Variants in RNF150 observed in about 807,000 individuals in gnomAD.
RNF150 encodes the protein ring finger protein 150.
A neutral mutation model predicts 39.3 loss-of-function variants in RNF150; 24 were observed. The ratio of observed to expected loss-of-function variants is 0.61; its 90% confidence interval spans 0.44 to 0.86. RNF150 has a LOEUF of 0.86. RNF150 is among the 40% of genes least tolerant of loss of function. The probability of loss-of-function intolerance (pLI) is 0.00; values close to 1 mark genes in which losing one functional copy is unlikely to be tolerated. For missense variants in RNF150, 502 were observed against 587.8 expected (o/e 0.85, Z 1.51); for synonymous variants, 255 against 227.3 (o/e 1.12, Z -1.10).
chr4:140,966,375 A>G (rs904552886), intron 2 of RNF150, among the ~76,000 whole-genome samples: 1 of 152,092 alleles, frequency 6.6e-6, no homozygotes, highest in African/African-American at 2.4e-5. Context: ...TAGCTCTGTA[A>G]AAACCAAAAA....
At chr4:141,028,243 TAAG>T (rs1735796215) in intron 1 of RNF150, among the ~76,000 whole-genome samples, 1 of 152,198 alleles carries the variant, frequency 6.6e-6, no homozygotes, top group Admixed American at 6.5e-5. Flanking sequence ...TGGCATTCAT[TAAG>T]AAGTAGTGGC....
At chr4:140,871,379 C>T (rs1728932879) in intron 6 of RNF150, among the ~76,000 whole-genome samples, 1 of 151,744 alleles carries the variant, frequency 6.6e-6, no homozygotes, top group African/African-American at 2.4e-5. Context: ...ATAAAAAATG[C>T]CTGCTTTTGT....
intron 1 of RNF150, among the ~76,000 whole-genome samples, chr4:141,153,188 G>T (rs1727329406): frequency 6.6e-6 from 1 of 152,076 alleles, no homozygotes; most frequent in Non-Finnish European, 1.5e-5. Context: ...GGGAGGGAGG[G>T]TTAATACAGT....
At chr4:141,083,227 G>C (rs1053115142) in intron 1 of RNF150, among the ~76,000 whole-genome samples, 1 of 152,096 alleles carries the variant, frequency 6.6e-6, no homozygotes, top group African/African-American at 2.4e-5. Flanking sequence ...AACTCAAAAA[G>C]CACACAGAGC....
intron 5 of RNF150, among the ~76,000 whole-genome samples, chr4:140,915,454 T>C (rs1730780936): frequency 6.6e-6 from 1 of 152,156 alleles, no homozygotes; most frequent in Non-Finnish European, 1.5e-5. Flanking sequence ...AAATCCAAAA[T>C]TCCTCCCAGA....
chr4:141,055,012 G>A (rs556610902), intron 1 of RNF150, among the ~76,000 whole-genome samples: 122 of 152,186 alleles, frequency 8.0e-4, no homozygotes, highest in African/African-American at 2.9e-3. Context: ...TTATTATTGA[G>A]GAGCACAATT....
intron 1 of RNF150, among the ~76,000 whole-genome samples, chr4:141,192,075 C>T (rs1560774311): frequency 6.6e-6 from 1 of 152,316 alleles, no homozygotes; most frequent in African/African-American, 2.4e-5. Context: ...GGCTTCCTCT[C>T]TTACAGCAGC....
At chr4:140,941,595 G>A (rs1266408698) in intron 4 of RNF150, among the ~76,000 whole-genome samples, 1 of 152,106 alleles carries the variant, frequency 6.6e-6, no homozygotes, top group Admixed American at 6.5e-5. Context: ...AGTACCTAAA[G>A]CCAGCTAATC....
At chr4:141,080,255 C>G (rs1738098194) in intron 1 of RNF150, among the ~76,000 whole-genome samples, 1 of 152,160 alleles carries the variant, frequency 6.6e-6, no homozygotes, top group Non-Finnish European at 1.5e-5. Flanking sequence ...TTTGTAATCT[C>G]TGAAATTCAT....
At chr4:140,892,481 C>T (rs572095699) in intron 6 of RNF150, among the ~76,000 whole-genome samples, 16 of 152,302 alleles carry the variant, frequency 1.1e-4, no homozygotes, top group African/African-American at 3.1e-4. Context: ...TAAAAAACCA[C>T]GAGTTTAAGC....
rs1411908534 is a variant in RNF150 at position 141,164,811 on chromosome 4, A to G, written c.-6+47983T>C. On this transcript the variant is annotated intron_variant, in intron 1 of 7. Transcript: ENST00000420921. ...ATGAGAGCTCCTGAAGGAAGCACTA[A>G]ATATGAAAAACTGGCAGCAGCCACT... 4.6e-5 allele frequency among the ~76,000 whole-genome samples: 7 copies of G among 152,100 alleles called. No individual in the cohort carries two copies. The East Asian group carries it at 1.4e-3, about 29-fold the overall frequency.
intron 5 of RNF150, among the ~76,000 whole-genome samples, chr4:140,919,898 C>A (rs1731032095): frequency 6.6e-6 from 1 of 152,120 alleles, no homozygotes; most frequent in African/African-American, 2.4e-5. Flanking sequence ...CTACAAATAT[C>A]TGATCTTTGA....
At chr4:141,193,209 G>A (rs1056908923) in intron 1 of RNF150, among the ~76,000 whole-genome samples, 1 of 152,194 alleles carries the variant, frequency 6.6e-6, no homozygotes, top group African/African-American at 2.4e-5. Context: ...CTGTATCTTA[G>A]CAATTAGAAT....
In RNF150 at chr4:141,205,854, C is replaced by A. The variant is rs993155791; in HGVS notation, c.-6+6940G>T. The stretch of plus-strand genomic sequence containing the variant: ...GTGCATGTGTGTTTGTGTATGTGTG[C>A]GCACACCTGTGTTAGAAGGGAGGTT... On this transcript the variant is annotated intron_variant, in intron 1 of 7. Transcript: ENST00000420921. Among the ~76,000 whole-genome samples, 7 of 152,134 alleles carry A rather than the reference C, an allele frequency of 4.6e-5. No homozygotes were observed. The East Asian group carries it at 1.2e-3, about 25-fold the overall frequency.
chr4:141,092,901 T>A (rs541021007), intron 1 of RNF150, among the ~76,000 whole-genome samples: 1 of 151,810 alleles, frequency 6.6e-6, no homozygotes, highest in South Asian at 2.1e-4. Flanking sequence ...ACATCTCTTG[T>A]AAAACATGTC....
intron 1 of RNF150, among the ~76,000 whole-genome samples, chr4:141,148,886 G>C (rs1335121033): frequency 8.5e-5 from 13 of 152,282 alleles, no homozygotes; most frequent in Non-Finnish European, 1.0e-4. Context: ...CTGCAGAAGG[G>C]GGTTGATTCC....
rs1728075952 is a variant in RNF150 at position 141,189,961 on chromosome 4, C to T, written c.-6+22833G>A. Among the ~76,000 whole-genome samples the T allele has an allele frequency of 2.0e-5, 3 of 152,312 alleles. No homozygotes were observed. The South Asian group carries it at 6.2e-4, about 32-fold the overall frequency. ...ACTGGGGTATGAAAAAATACTCCTG[C>T]AGGTAGCTTGGTGTCTGCCCAAACA... On this transcript the variant is annotated intron_variant, in intron 1 of 7. Coordinates refer to the RNF150 transcript ENST00000420921.
chr4:141,028,102 A>G (rs1388211799), intron 1 of RNF150, among the ~76,000 whole-genome samples: 1 of 151,868 alleles, frequency 6.6e-6, no homozygotes, highest in Non-Finnish European at 1.5e-5. Flanking sequence ...TACTACATAC[A>G]CAGTGTTGGG....
At chr4:140,883,980 T>C (rs562304144) in intron 6 of RNF150, among the ~76,000 whole-genome samples, 1 of 152,264 alleles carries the variant, frequency 6.6e-6, no homozygotes, top group Admixed American at 6.5e-5. Context: ...ACTTCACTTT[T>C]TTTTTTTGCT....
Sources: gnomAD v4.1 joint callset for allele counts (sites outside exome capture counted in the v4.1 genomes callset) on GRCh38, gnomAD v4.1.1 for gene constraint, MANE v1.5 for transcripts, NCBI Gene and HGNC (gene_info 2026-07-23, HGNC 2026-07-21) for gene names.